UBAP2L: variants seen among roughly 807,000 people sequenced by gnomAD.
UBAP2L encodes ubiquitin associated protein 2 like, also known as ubiquitin-associated protein 2-like.
UBAP2L carries 12 observed loss-of-function variants against 130.6 expected under a neutral mutation model. The ratio of observed to expected loss-of-function variants is 0.09; its 90% confidence interval spans 0.06 to 0.15. The LOEUF (loss-of-function observed/expected upper bound fraction) is 0.15. Among genes scored for constraint, UBAP2L ranks in the 10% least tolerant of loss-of-function variants. UBAP2L has a pLI of 1.00. For missense variants in UBAP2L, 965 were observed against 1,332.5 expected (o/e 0.72, Z 4.29); for synonymous variants, 503 against 524.7 (o/e 0.96, Z 0.57).
intron 1 of UBAP2L, among the ~76,000 whole-genome samples, chr1:154,224,235 A>G (rs1667232224): frequency 6.6e-6 from 1 of 152,200 alleles, no homozygotes; most frequent in African/African-American, 2.4e-5. Flanking sequence ...GATTTCTTAG[A>G]AGCACTTTCT....
intron 12 of UBAP2L, 49 bp from the exon 13 acceptor site, chr1:154,250,992 T>G: frequency 2.1e-5 from 33 of 1,555,252 alleles, no homozygotes; most frequent in Non-Finnish European, 2.5e-5. Context: ...AGCATTTCCT[T>G]GAGATTCATT....
intron 24 of UBAP2L, among the ~76,000 whole-genome samples, chr1:154,262,554 C>T (rs762223540): frequency 6.6e-6 from 1 of 152,124 alleles, no homozygotes; most frequent in African/African-American, 2.4e-5. Flanking sequence ...AGCTCAGTTA[C>T]AGTTTCATGG....
intron 11 of UBAP2L, among the ~76,000 whole-genome samples, chr1:154,248,814 TCAAAAA>T (rs748435321): frequency 3.9e-4 from 59 of 152,116 alleles, no homozygotes; most frequent in Non-Finnish European, 5.7e-4. Context: ...AGACTCTGTC[TCAAAAA>T]CAAAAACAAA....
intron 15 of UBAP2L, 49 bp downstream of exon 15, chr1:154,254,138 A>G (rs764440562): frequency 7.0e-7 from 1 of 1,427,924 alleles, no homozygotes; most frequent in Non-Finnish European, 9.3e-7. Context: ...ATAGTGGGCA[A>G]AAATTCCTTA....
At chr1:154,227,232 T>C in intron 2 of UBAP2L, 50 bp from the exon 3 acceptor site, 1 of 1,539,322 alleles carries the variant, frequency 6.5e-7, no homozygotes, top group Non-Finnish European at 9.0e-7. Context: ...TCCTGTTCTC[T>C]AAACTGTTGC....
intron 10 of UBAP2L, among the ~76,000 whole-genome samples, 169 bp downstream of exon 10, chr1:154,243,471 T>G (rs1674260729): frequency 6.6e-6 from 1 of 152,022 alleles, no homozygotes; most frequent in Non-Finnish European, 1.5e-5. Flanking sequence ...CTTTTTTTTT[T>G]TGTTTTTGAG....
At chr1:154,263,983 G>T (rs576434059) in intron 24 of UBAP2L, among the ~76,000 whole-genome samples, 53 of 152,324 alleles carry the variant, frequency 3.5e-4, no homozygotes, top group Non-Finnish European at 6.0e-4. Context: ...TGGCGACTGT[G>T]CTATCCTGGA....
At chr1:154,237,327 C>T (rs1010789045) in intron 8 of UBAP2L, among the ~76,000 whole-genome samples, 191 bp downstream of exon 8, 4 of 152,138 alleles carry the variant, frequency 2.6e-5, no homozygotes, top group East Asian at 3.8e-4. Context: ...CATGTTATTT[C>T]GCTTAATGCT....
At position 154,253,992 on chromosome 1, in the gene UBAP2L, A is replaced by G. The variant is rs1678778290; in HGVS notation, c.1757A>G (p.Asn586Ser). Residue 586 changes from asparagine (N) to serine (S), a missense_variant, in exon 15 of 27, where the codon AAT becomes AGT. Physicochemically the swap from Asn to Ser is conservative, Grantham distance 46. Coordinates refer to ENST00000428931, the MANE Select transcript of UBAP2L (RefSeq NM_014847.4). ...IQSTTYTSQN[N>S]AQGPLYEQRS... is the part of the protein sequence containing the mutation. ...TCGACAACCTATACCTCCCAAAATA[A>G]TGCTCAGGGCCCTCTTTATGAACAG... 1 of 1,613,736 alleles carries G rather than the reference A, an allele frequency of 6.2e-7. No individual in the cohort carries two copies. Among genetic ancestry groups the G allele is most frequent in the Non-Finnish European group, 8.5e-7 (1 of 1,179,876 alleles).
rs191316385 is a variant in UBAP2L, at chr1:154,235,621, T to C, written c.544+330T>C. Among the ~76,000 whole-genome samples the C allele has an allele frequency of 2.6e-5, 4 of 152,346 alleles. No individual in the cohort carries two copies. In the East Asian group the frequency reaches 7.7e-4, roughly 29 times the overall value. On this transcript the variant is annotated intron_variant, in intron 6 of 26. Transcript: ENST00000428931. ...GCCTCCCGGGTTCAAGCGATTCTTC[T>C]GCCTCAGTCTCCCAAGTAGCTGGGA...
At chr1:154,237,970 G>A (rs1434678787) in intron 8 of UBAP2L, among the ~76,000 whole-genome samples, 2 of 152,188 alleles carry the variant, frequency 1.3e-5, no homozygotes, top group African/African-American at 4.8e-5. Flanking sequence ...TTCTGGCTGA[G>A]CTAACACATG....
chr1:154,247,968 ATTTT>A lies in UBAP2L; in HGVS notation c.1015-1268_1015-1265del, dbSNP rs201114755. Among the ~76,000 whole-genome samples, 5 of 147,454 alleles carry A rather than the reference ATTTT, an allele frequency of 3.4e-5. No individual in the cohort carries two copies. In the East Asian group the frequency reaches 1.0e-3, roughly 30 times the overall value. The stretch of plus-strand genomic sequence containing the variant: ...TTTTAATTGTTTTTATTTTTTATTT[ATTTT>A]TTATTTTTTTTTGAGACAGAGTTTC... On this transcript the variant is annotated intron_variant, in intron 11 of 26. Transcript: ENST00000428931.
rs373930449 is a variant in UBAP2L, at chr1:154,251,342, C to A, written c.1491+24C>A. ...AGGTACTTAAACTTTTAGGTAGATA[C>A]CATTTTATGGCAAGGGGTGTGGGGC... On this transcript the variant is annotated intron_variant, in intron 13 of 26. Transcript: ENST00000428931. 1.5e-4 allele frequency: 244 copies of A among 1,597,586 alleles called. No individual in the cohort carries two copies. The African/African-American group carries it at 2.8e-3, about 19-fold the overall frequency.
chr1:154,222,571 C>T (rs1571543954), intron 1 of UBAP2L, among the ~76,000 whole-genome samples: 1 of 152,170 alleles, frequency 6.6e-6, no homozygotes, highest in African/African-American at 2.4e-5. Context: ...CTGGGAAGTA[C>T]TCTTACTAAC....
chr1:154,243,584 C>T (rs1041965844), intron 10 of UBAP2L, among the ~76,000 whole-genome samples: 4 of 152,144 alleles, frequency 2.6e-5, no homozygotes, highest in Non-Finnish European at 5.9e-5. Flanking sequence ...CCTCAGTCTC[C>T]CGAGTAGCTG....
chr1:154,222,638 A>G (rs1666654826), intron 1 of UBAP2L, among the ~76,000 whole-genome samples: 1 of 152,228 alleles, frequency 6.6e-6, no homozygotes, highest in African/African-American at 2.4e-5. Context: ...AAGCATCTAC[A>G]GAAATTAGTT....
At position 154,228,181 on chromosome 1, in the gene UBAP2L, T is replaced by C. The variant is rs1174301543; in HGVS notation, c.169-434T>C. ...AAATTCTACATCATTTTTCTTTCTT[T>C]CTTTTTTGTTTTTTTTTTTATTTTG... On this transcript the variant is annotated intron_variant, in intron 3 of 26. Transcript: ENST00000428931. 2.6e-5 allele frequency among the ~76,000 whole-genome samples: 4 copies of C among 151,888 alleles called. No homozygotes were observed. The East Asian group carries it at 7.7e-4, about 29-fold the overall frequency.
chr1:154,246,228 G>T lies in UBAP2L; in HGVS notation c.867G>T (p.Gly289=), dbSNP rs368596769. ...GAATTGACCTTGCTGTTCTGCTGGGGAAGACACCATCTACAATGGAGAATG... is the reference window on the plus strand; with the variant it reads ...GAATTGACCTTGCTGTTCTGCTGGGTAAGACACCATCTACAATGGAGAATG... ...GQRIDLAVLL[G]KTPSTMENDS... is the part of the protein sequence containing the mutation. Residue 289 remains glycine, a synonymous_variant, in exon 11 of 27, where the codon GGG becomes GGT. Transcript: ENST00000428931. 6.2e-7 allele frequency: 1 copy of T among 1,612,176 alleles called. No homozygotes were observed. Among genetic ancestry groups the T allele is most frequent in the Non-Finnish European group, 8.5e-7 (1 of 1,178,830 alleles).
rs951002493 is a variant in UBAP2L, at chr1:154,262,966, C to T, written c.2902+1269C>T. ...TATAAGAGAATTGGCATACCTGATTCTAGAAATCCCACCTTCTTGCCTCCC... is the reference window on the plus strand; with the variant it reads ...TATAAGAGAATTGGCATACCTGATTTTAGAAATCCCACCTTCTTGCCTCCC... On this transcript the variant is annotated intron_variant, in intron 24 of 26. Transcript: ENST00000428931. 16 of 810,656 alleles carry T rather than the reference C, an allele frequency of 2.0e-5. No homozygotes were observed. The Admixed American group carries it at 4.6e-4, about 23-fold the overall frequency. The allele number at this position is 810,656 out of a possible 1,614,324, so 50.2% of individuals were successfully genotyped here. A position where few individuals can be genotyped will look rare whatever the true frequency, so the allele number is the denominator to read the frequency against.
Sources: allele counts gnomAD v4.1 joint callset (sites outside exome capture counted in the v4.1 genomes callset), GRCh38; gene constraint gnomAD v4.1.1; transcripts MANE v1.5; gene names NCBI Gene and HGNC (gene_info 2026-07-23, HGNC 2026-07-21).